TMTC1: variants seen among roughly 807,000 people sequenced by gnomAD.
The protein encoded by TMTC1 is transmembrane O-mannosyltransferase targeting cadherins 1, also known as protein O-mannosyl-transferase TMTC1.
Under a neutral mutation model 104.8 loss-of-function variants are expected in TMTC1, and 73 were observed. The ratio of observed to expected loss-of-function variants is 0.70; its 90% CI spans 0.58 to 0.85. TMTC1 has a LOEUF of 0.85. TMTC1 is among the 40% of genes least tolerant of loss of function. TMTC1 has a pLI of 0.00. For missense variants in TMTC1, 1,035 were observed against 1,096.1 expected, an observed-to-expected ratio of 0.94 and a Z score of 0.79; for synonymous variants, 434 against 428.7, an observed-to-expected ratio of 1.01 and a Z score of -0.15.
intron 5 of TMTC1, among the ~76,000 whole-genome samples, chr12:29,657,013 A>T (rs956179482): frequency 6.6e-6 from 1 of 152,230 alleles, no homozygotes; most frequent in Non-Finnish European, 1.5e-5. Context: ...GACATGAGAT[A>T]GGAATAAAAT....
At chr12:29,681,947 T>A (rs1325184314) in intron 5 of TMTC1, among the ~76,000 whole-genome samples, 2 of 152,218 alleles carry the variant, frequency 1.3e-5, no homozygotes, top group Non-Finnish European at 2.9e-5. Context: ...ACACTTATTT[T>A]AAAAATTGTG....
intron 5 of TMTC1, among the ~76,000 whole-genome samples, chr12:29,716,791 A>C (rs988405295): frequency 1.3e-5 from 2 of 152,190 alleles, no homozygotes; most frequent in Admixed American, 1.3e-4. Flanking sequence ...CGAGGCAGGC[A>C]GATCACGAGG....
chr12:29,605,953 A>G (rs1052226242), intron 6 of TMTC1, among the ~76,000 whole-genome samples: 3 of 152,132 alleles, frequency 2.0e-5, no homozygotes, highest in Non-Finnish European at 2.9e-5. Context: ...ATAAGTGAGA[A>G]TATGTGGTAT....
intron 9 of TMTC1, among the ~76,000 whole-genome samples, chr12:29,571,622 C>T (rs1399260102): frequency 6.6e-6 from 1 of 150,680 alleles, no homozygotes; most frequent in Non-Finnish European, 1.5e-5. Context: ...AACGTATCCC[C>T]AACATGGTAA....
chr12:29,622,526 A>G (rs1186656320), intron 6 of TMTC1, among the ~76,000 whole-genome samples: 1 of 152,148 alleles, frequency 6.6e-6, no homozygotes, highest in African/African-American at 2.4e-5. Context: ...ACTCAAGTGC[A>G]TTTTCAGCCG....
chr12:29,758,696 A>G lies in TMTC1; in HGVS notation c.554+8T>C. 1.2e-6 allele frequency: 2 copies of G among 1,613,224 alleles called. No homozygotes were observed. On this transcript the variant is annotated splice_region_variant and intron_variant, in intron 3 of 17. Coordinates refer to ENST00000539277, the MANE Select transcript of TMTC1 (RefSeq NM_001193451.2). Reference sequence around the variant, plus strand: ...ATCACAGAGAAGGGCATTCTTAGCTACACATACCTGTTGTACGAGAGAAAG... The same window carrying G: ...ATCACAGAGAAGGGCATTCTTAGCTGCACATACCTGTTGTACGAGAGAAAG...
chr12:29,687,730 G>A (rs1201673659), intron 5 of TMTC1, among the ~76,000 whole-genome samples: 2 of 152,228 alleles, frequency 1.3e-5, no homozygotes, highest in Non-Finnish European at 1.5e-5. Context: ...TCTGGAGGGA[G>A]CAGTAGGGTT....
At chr12:29,759,032 C>T (rs1018619358) in intron 2 of TMTC1, among the ~76,000 whole-genome samples, 1 of 152,126 alleles carries the variant, frequency 6.6e-6, no homozygotes, top group Non-Finnish European at 1.5e-5. Context: ...TTTAAGCTCT[C>T]AGAGCGTCAA....
intron 5 of TMTC1, among the ~76,000 whole-genome samples, chr12:29,732,668 T>TTA (rs1942574866): frequency 6.6e-6 from 1 of 152,134 alleles, no homozygotes; most frequent in Admixed American, 6.5e-5. Flanking sequence ...TAGTACGGGA[T>TTA]TTAAAAAAAA....
chr12:29,523,595 T>C (rs1944246355), intron 11 of TMTC1, among the ~76,000 whole-genome samples: 1 of 152,154 alleles, frequency 6.6e-6, no homozygotes, highest in Non-Finnish European at 1.5e-5. Context: ...AATTGAGAGG[T>C]GAACCAAAAC....
intron 1 of TMTC1, among the ~76,000 whole-genome samples, chr12:29,774,820 A>C (rs977009166): frequency 3.3e-5 from 5 of 152,226 alleles, no homozygotes; most frequent in African/African-American, 4.8e-5. Context: ...TGCTTAATGT[A>C]TCTGAAGTAC....
chr12:29,767,850 A>G (rs1258068033), intron 2 of TMTC1, 48 bp downstream of exon 2: 8 of 1,536,098 alleles, frequency 5.2e-6, no homozygotes, highest in Admixed American at 1.8e-5. Flanking sequence ...ACACGTATAC[A>G]TACACACATT....
At chr12:29,778,863 C>T (rs920524856) in intron 1 of TMTC1, among the ~76,000 whole-genome samples, 1 of 152,160 alleles carries the variant, frequency 6.6e-6, no homozygotes, top group Non-Finnish European at 1.5e-5. Flanking sequence ...AAGTGTGATG[C>T]TTCTGTGTCT....
chr12:29,662,568 T>G (rs1192193225), intron 5 of TMTC1, among the ~76,000 whole-genome samples: 1 of 150,728 alleles, frequency 6.6e-6, no homozygotes, highest in African/African-American at 2.5e-5. Flanking sequence ...AAGAATCATT[T>G]GAACCCGGGA....
At position 29,755,857 on chromosome 12, in the gene TMTC1, T is replaced by A. The variant is rs568609487; in HGVS notation, c.583A>T (p.Ser195Cys). 16 of 1,614,140 alleles carry A rather than the reference T, an allele frequency of 9.9e-6. No individual in the cohort carries two copies. In the South Asian group the frequency reaches 1.5e-4, roughly 16 times the overall value. Residue 195 changes from serine to cysteine, a missense_variant, in exon 4 of 18, where the codon AGT (serine) becomes TGT (cysteine). Transcript: ENST00000539277. Reference sequence around the variant, plus strand: ...AAGGGAGACACCGTGGAAGGGAAACTTCCCCCAACACAGCCCTGATCCAGA... The same window carrying A: ...AAGGGAGACACCGTGGAAGGGAAACATCCCCCAACACAGCCCTGATCCAGA... ...RSLDQGCVGG[S>C]FPSTVSPFFL...
At chr12:29,703,692 C>T (rs1334734296) in intron 5 of TMTC1, among the ~76,000 whole-genome samples, 1 of 152,190 alleles carries the variant, frequency 6.6e-6, no homozygotes, top group Non-Finnish European at 1.5e-5. Flanking sequence ...AGTTCCACCC[C>T]CTGACTGTTT....
At chr12:29,758,618 G>A (rs1943270546) in intron 3 of TMTC1, 86 bp downstream of exon 3, 22 of 1,291,284 alleles carry the variant, frequency 1.7e-5, no homozygotes, top group Non-Finnish European at 2.4e-5. Flanking sequence ...ACAACCAGAA[G>A]CTTCTCTCCT....
At chr12:29,762,438 T>C (rs1943373138) in intron 2 of TMTC1, among the ~76,000 whole-genome samples, 1 of 152,240 alleles carries the variant, frequency 6.6e-6, no homozygotes, top group South Asian at 2.1e-4. Context: ...GGTTTTCCTG[T>C]GTGGCTTATA....
intron 5 of TMTC1, among the ~76,000 whole-genome samples, chr12:29,737,937 C>T (rs747772961): frequency 6.6e-6 from 1 of 152,132 alleles, no homozygotes; most frequent in Non-Finnish European, 1.5e-5. Flanking sequence ...ATAATGAAGC[C>T]AATCTTGCAA....
Sources: gnomAD v4.1 joint callset for allele counts (sites outside exome capture counted in the v4.1 genomes callset) on GRCh38, gnomAD v4.1.1 for gene constraint, MANE v1.5 for transcripts, NCBI Gene and HGNC (gene_info 2026-07-23, HGNC 2026-07-21) for gene names.